PALM2AKAP2: variants seen among roughly 807,000 people sequenced by gnomAD.
PALM2AKAP2 encodes PALM2 and AKAP2 fusion, also known as PALM2-AKAP2 fusion protein.
PALM2AKAP2 carries 37 observed loss-of-function variants against 71.5 expected under a neutral mutation model. The observed-to-expected ratio is 0.52, with a 90% CI of 0.40 to 0.68. PALM2AKAP2 has a LOEUF of 0.68. Ranked by LOEUF, PALM2AKAP2 falls within the 30% of genes least tolerant of loss-of-function variation. PALM2AKAP2 has a pLI of 0.00. For missense variants in PALM2AKAP2, 1,224 were observed against 1,191.8 expected, an observed-to-expected ratio of 1.03 and a Z score of -0.40; for synonymous variants, 468 against 478.8, an observed-to-expected ratio of 0.98 and a Z score of 0.29.
chr9:110,048,711 C>T (rs1291723655), exon 1 of PALM2AKAP2: 5 of 1,547,548 alleles, frequency 3.2e-6, no homozygotes, highest in Non-Finnish European at 4.3e-6. Context: ...TGCGCTGGCC[C>T]CAGCCCGGGG....
intron 1 of PALM2AKAP2, among the ~76,000 whole-genome samples, chr9:110,091,687 C>T (rs898451007): frequency 2.0e-5 from 3 of 152,062 alleles, no homozygotes; most frequent in Admixed American, 6.6e-5. Flanking sequence ...TGGTCTTGAT[C>T]TCCTGACCTC....
At chr9:110,089,765 T>A (rs1044727812) in intron 1 of PALM2AKAP2, among the ~76,000 whole-genome samples, 16 of 152,228 alleles carry the variant, frequency 1.1e-4, no homozygotes, top group African/African-American at 3.9e-4. Context: ...TGCCTTTGTT[T>A]GAACCAATAG....
intron 6 of PALM2AKAP2, among the ~76,000 whole-genome samples, chr9:109,935,967 G>A (rs1831209605): frequency 6.6e-6 from 1 of 152,106 alleles, no homozygotes; most frequent in Admixed American, 6.5e-5. Context: ...CAAGAAATTG[G>A]CTTGCCTTTA....
intron 1 of PALM2AKAP2, among the ~76,000 whole-genome samples, chr9:109,799,499 G>A (rs1294123659): frequency 6.6e-6 from 1 of 152,048 alleles, no homozygotes; most frequent in Non-Finnish European, 1.5e-5. Context: ...TTAGTTTTGG[G>A]GAGTTTATTT....
intron 2 of PALM2AKAP2, among the ~76,000 whole-genome samples, chr9:110,148,979 C>T (rs7865383): frequency 6.6e-6 from 1 of 152,064 alleles, no homozygotes; most frequent in African/African-American, 2.4e-5. Flanking sequence ...GTGCATGCAG[C>T]CTTTTCTCGG....
intron 1 of PALM2AKAP2, among the ~76,000 whole-genome samples, chr9:109,685,490 A>G (rs978703466): frequency 6.6e-6 from 1 of 152,172 alleles, no homozygotes; most frequent in South Asian, 2.1e-4. Context: ...TGTTTACACT[A>G]TACTATACTA....
intron 1 of PALM2AKAP2, among the ~76,000 whole-genome samples, chr9:110,103,954 C>A (rs1835057169): frequency 1.3e-5 from 2 of 152,216 alleles, no homozygotes; most frequent in Admixed American, 6.5e-5. Flanking sequence ...CCTGCCCCGT[C>A]TTCTGGCCTA....
At chr9:110,086,910 A>G (rs1201860735) in intron 1 of PALM2AKAP2, among the ~76,000 whole-genome samples, 1 of 152,216 alleles carries the variant, frequency 6.6e-6, no homozygotes, top group East Asian at 1.9e-4. Flanking sequence ...TTCAAAGCCT[A>G]GGTGGTCAAT....
chr9:109,721,787 T>C (rs893690010), intron 1 of PALM2AKAP2, among the ~76,000 whole-genome samples: 6 of 152,208 alleles, frequency 3.9e-5, no homozygotes, highest in Middle Eastern at 3.2e-3. Flanking sequence ...TGGGTGAAAA[T>C]ATGCTCCATT....
intron 6 of PALM2AKAP2, among the ~76,000 whole-genome samples, chr9:110,007,820 G>A (rs150340051): frequency 0.01 from 1,569 of 152,268 alleles, 16 homozygotes; most frequent in Non-Finnish European, 0.014. Flanking sequence ...AGATAGAGGT[G>A]AAATTGCCCA....
intron 1 of PALM2AKAP2, among the ~76,000 whole-genome samples, chr9:109,800,532 C>G (rs576720157): frequency 1.5e-4 from 23 of 152,132 alleles, no homozygotes; most frequent in Non-Finnish European, 2.8e-4. Context: ...ATGTTGCCAC[C>G]CTTTGTTCCT....
In PALM2AKAP2 at chr9:109,847,119, T is replaced by G. The variant is rs897097683; in HGVS notation, c.46-20372T>G. ...CCTGGGACCTATGTGTGTGACCTTA[T>G]TTGGAAGAGGGGTTTTTTTTTGCAG... On this transcript the variant is annotated intron_variant, in intron 1 of 9. Coordinates refer to the PALM2AKAP2 transcript ENST00000302798. Among the ~76,000 whole-genome samples the G allele has an allele frequency of 2.0e-5, 3 of 147,530 alleles. No homozygotes were observed. The Admixed American group carries it at 2.1e-4, about 10-fold the overall frequency.
At chr9:110,117,344 C>G (rs766371622) in intron 1 of PALM2AKAP2, among the ~76,000 whole-genome samples, 2 of 152,108 alleles carry the variant, frequency 1.3e-5, no homozygotes, top group South Asian at 2.1e-4. Context: ...AGGCTGGTCT[C>G]GAACTCCTGG....
At chr9:109,690,244 A>G (rs147015316) in intron 1 of PALM2AKAP2, among the ~76,000 whole-genome samples, 69 of 152,310 alleles carry the variant, frequency 4.5e-4, no homozygotes, top group African/African-American at 1.6e-3. Context: ...TACTTTTAAA[A>G]TTTCTAATAG....
intron 6 of PALM2AKAP2, among the ~76,000 whole-genome samples, chr9:109,993,031 T>G (rs1832514678): frequency 6.6e-6 from 1 of 151,104 alleles, no homozygotes; most frequent in Non-Finnish European, 1.5e-5. Flanking sequence ...GGAGCATAGA[T>G]TCAAGTTGCC....
At chr9:109,657,452 T>TGTGTG (rs1827323580) in intron 1 of PALM2AKAP2, among the ~76,000 whole-genome samples, 4 of 147,216 alleles carry the variant, frequency 2.7e-5, no homozygotes, top group African/African-American at 1.0e-4. Context: ...AATATGGTAT[T>TGTGTG]TGTGTGTGTG....
intron 1 of PALM2AKAP2, among the ~76,000 whole-genome samples, chr9:109,756,698 C>T (rs538454047): frequency 6.6e-6 from 1 of 152,298 alleles, no homozygotes; most frequent in South Asian, 2.1e-4. Flanking sequence ...CAGAAGTTAA[C>T]CAGATACTCT....
chr9:109,676,899 C>T (rs144795127), intron 1 of PALM2AKAP2, among the ~76,000 whole-genome samples: 56 of 152,262 alleles, frequency 3.7e-4, no homozygotes, highest in African/African-American at 1.3e-3. Flanking sequence ...AAGATGAATG[C>T]TGGGAAGTGC....
At chr9:109,934,268 C>G (rs1362102762) in intron 6 of PALM2AKAP2, among the ~76,000 whole-genome samples, 3 of 152,214 alleles carry the variant, frequency 2.0e-5, no homozygotes, top group African/African-American at 7.2e-5. Flanking sequence ...CATTCCATCT[C>G]TGGTTGGTTC....
Sources: gnomAD v4.1 joint callset for allele counts (sites outside exome capture counted in the v4.1 genomes callset) on GRCh38, gnomAD v4.1.1 for gene constraint, MANE v1.5 for transcripts, NCBI Gene and HGNC (gene_info 2026-07-23, HGNC 2026-07-21) for gene names.